Variants in PRKG2 observed in about 807,000 individuals in gnomAD.
PRKG2 encodes the protein cGMP-dependent protein kinase 2.
PRKG2 carries 33 observed loss-of-function variants against 97.2 expected under a neutral mutation model. That is an observed-to-expected ratio of 0.34 (90% CI 0.26 to 0.45). PRKG2 has a LOEUF of 0.45. PRKG2 is among the 20% of genes least tolerant of loss of function. The pLI is 1.00. For synonymous variants in PRKG2, 330 were observed against 321.8 expected, an observed-to-expected ratio of 1.03 and a Z score of -0.27; for missense variants, 638 against 900.0, an observed-to-expected ratio of 0.71 and a Z score of 3.73.
At chr4:81,138,632 C>T (rs1484839788) in intron 12 of PRKG2, among the ~76,000 whole-genome samples, 1 of 151,918 alleles carries the variant, frequency 6.6e-6, no homozygotes, top group African/African-American at 2.4e-5. Context: ...ATTATCTATA[C>T]ATATAGATAT....
chr4:81,146,485 A>G (rs970669549), intron 9 of PRKG2, among the ~76,000 whole-genome samples: 1 of 152,190 alleles, frequency 6.6e-6, no homozygotes, highest in African/African-American at 2.4e-5. Context: ...ATTTTATCAC[A>G]TTTAAAAATA....
At chr4:81,160,260 A>G (rs1749502083) in intron 6 of PRKG2, among the ~76,000 whole-genome samples, 1 of 152,124 alleles carries the variant, frequency 6.6e-6, no homozygotes, top group Non-Finnish European at 1.5e-5. Context: ...GTTTTTGCCT[A>G]TTGAAACTGT....
intron 14 of PRKG2, among the ~76,000 whole-genome samples, chr4:81,117,172 T>C (rs919823445): frequency 6.6e-6 from 1 of 151,834 alleles, no homozygotes; most frequent in Non-Finnish European, 1.5e-5. Context: ...TTTATATTTT[T>C]TGTAGAGACG....
At chr4:81,140,362 T>G (rs1029110026) in intron 12 of PRKG2, among the ~76,000 whole-genome samples, 171 bp downstream of exon 12, 1 of 152,230 alleles carries the variant, frequency 6.6e-6, no homozygotes, top group Admixed American at 6.5e-5. Flanking sequence ...CCATTTTCCA[T>G]GCTGTAATTA....
intron 17 of PRKG2, among the ~76,000 whole-genome samples, chr4:81,094,225 G>T (rs762203179): frequency 2.0e-5 from 3 of 151,996 alleles, no homozygotes; most frequent in Non-Finnish European, 2.9e-5. Context: ...TTTTAAATTA[G>T]CTCTTACATA....
intron 6 of PRKG2, among the ~76,000 whole-genome samples, chr4:81,162,157 G>C (rs1210814868): frequency 6.6e-6 from 1 of 152,118 alleles, no homozygotes; most frequent in Non-Finnish European, 1.5e-5. Context: ...ACCTAATGTT[G>C]TTTGAGGACT....
intron 2 of PRKG2, among the ~76,000 whole-genome samples, chr4:81,177,201 T>A (rs1358512331): frequency 1.3e-5 from 2 of 152,200 alleles, no homozygotes; most frequent in Non-Finnish European, 2.9e-5. Context: ...CCTAGAGTAC[T>A]TATATTCATA....
Position 81,140,798 on chromosome 4 carries a change from C to G in PRKG2, c.1408-129G>C, listed in dbSNP as rs191143853. ...CCTTAGCCACTTATCCCTTTGAGAA[C>G]TTTCATTCAAGTGTACACACTTCCC... On this transcript the variant is annotated intron_variant, in intron 11 of 18. Coordinates refer to ENST00000264399, the MANE Select transcript of PRKG2 (RefSeq NM_006259.3). 110 of 700,060 alleles carry G rather than the reference C, an allele frequency of 1.6e-4. 1 individual carries two copies. The African/African-American group carries it at 1.8e-3, about 11-fold the overall frequency. The allele number at this position is 700,060 out of a possible 1,614,324, so 43.4% of individuals were successfully genotyped here.
At chr4:81,149,005 C>T in intron 8 of PRKG2, 53 bp from the exon 9 acceptor site, 2 of 1,524,050 alleles carry the variant, frequency 1.3e-6, no homozygotes, top group African/African-American at 1.4e-5. Context: ...AATTAAACAT[C>T]CACTTTTATT....
chr4:81,175,870 A>G (rs1750878340), intron 2 of PRKG2: 1 of 152,156 alleles, frequency 6.6e-6, no homozygotes, highest in Admixed American at 6.5e-5. Flanking sequence ...GCTGCAAGAA[A>G]AGATGCTCTA....
chr4:81,187,753 GC>G (rs1752013371), intron 2 of PRKG2, among the ~76,000 whole-genome samples: 1 of 152,156 alleles, frequency 6.6e-6, no homozygotes, highest in Admixed American at 6.5e-5. Context: ...AAGCTGATAA[GC>G]AACTTCATCA....
At position 81,202,794 on chromosome 4, in the gene PRKG2, C is replaced by A. The variant is rs569520898; in HGVS notation, c.461+1793G>T. On this transcript the variant is annotated intron_variant, in intron 2 of 18. Coordinates refer to ENST00000264399, the MANE Select transcript of PRKG2 (RefSeq NM_006259.3). ...ATCCTTAAATAAAAGCAAGGAAATA[C>A]GCTTATCTCAGATTTTTCAGCACCA... Among the ~76,000 whole-genome samples, 132 of 151,672 alleles carry A rather than the reference C, an allele frequency of 8.7e-4. 1 individual carries two copies. Among genetic ancestry groups the A allele is most frequent in the African/African-American group, 3.0e-3 (125 of 41,250 alleles).
intron 2 of PRKG2, among the ~76,000 whole-genome samples, chr4:81,187,952 A>G (rs1416743794): frequency 6.6e-6 from 1 of 152,170 alleles, no homozygotes; most frequent in African/African-American, 2.4e-5. Context: ...CATTCAGGAC[A>G]TAGGCATGGG....
intron 14 of PRKG2, among the ~76,000 whole-genome samples, chr4:81,127,932 G>T (rs1367870198): frequency 6.6e-6 from 1 of 152,146 alleles, no homozygotes; most frequent in Non-Finnish European, 1.5e-5. Context: ...AATGCTTCCA[G>T]CTTTTGTCCA....
At chr4:81,093,360 AACAC>A (rs60004845) in intron 17 of PRKG2, among the ~76,000 whole-genome samples, 25,034 of 116,008 alleles carry the variant, frequency 0.22, 2,200 homozygotes, top group Middle Eastern at 0.32. Context: ...CTCCCCCACC[AACAC>A]ACACACACAC....
chr4:81,197,930 G>T (rs1159060769), intron 2 of PRKG2, among the ~76,000 whole-genome samples: 1 of 152,186 alleles, frequency 6.6e-6, no homozygotes, highest in Admixed American at 6.5e-5. Context: ...GGGAAACTTG[G>T]ACATTAAAGC....
At chr4:81,116,063 C>T (rs1375594418) in intron 14 of PRKG2, among the ~76,000 whole-genome samples, 2 of 152,022 alleles carry the variant, frequency 1.3e-5, no homozygotes, top group Non-Finnish European at 2.9e-5. Flanking sequence ...TCCATGTATA[C>T]ATGTGCAGGT....
intron 3 of PRKG2, among the ~76,000 whole-genome samples, chr4:81,172,921 A>C (rs1457950793): frequency 3.3e-5 from 5 of 152,130 alleles, no homozygotes; most frequent in Admixed American, 2.6e-4. Context: ...CAAGGAAAAA[A>C]AACACTCAGT....
In PRKG2 at chr4:81,092,371, T is replaced by C. The variant is rs140292835; in HGVS notation, c.2193+15A>G. ...CTGGGAAAAAAATAAAAAAGTAATA[T>C]AATAAATACAATACCTCTCTTTGCA... On this transcript the variant is annotated intron_variant, in intron 18 of 18. Transcript: ENST00000264399. 1,075 of 1,499,554 alleles carry C rather than the reference T, an allele frequency of 7.2e-4. 6 individuals carry two copies. The highest frequency in any genetic ancestry group is 2.5e-3 in the Middle Eastern group (12 of 4,816). 92.9% of individuals were successfully genotyped at this position (1,499,554 alleles called of 1,614,324 possible).
Sources: gnomAD v4.1 joint callset for allele counts (sites outside exome capture counted in the v4.1 genomes callset) on GRCh38, gnomAD v4.1.1 for gene constraint, MANE v1.5 for transcripts, NCBI Gene and HGNC (gene_info 2026-07-23, HGNC 2026-07-21) for gene names.